PTPRA: variants seen among roughly 807,000 people sequenced by gnomAD.
PTPRA encodes protein tyrosine phosphatase receptor type A, also known as receptor-type tyrosine-protein phosphatase alpha.
Under a neutral mutation model 104.8 loss-of-function variants are expected in PTPRA, and 25 were observed. The observed-to-expected ratio is 0.24, with a 90% CI of 0.17 to 0.33. The LOEUF (loss-of-function observed/expected upper bound fraction) is 0.33. Ranked by LOEUF, PTPRA falls within the 10% of genes least tolerant of loss-of-function variation. The probability of loss-of-function intolerance (pLI) is 1.00; values close to 1 mark genes in which losing one functional copy is unlikely to be tolerated. For synonymous variants in PTPRA, 323 were observed against 368.9 expected (o/e 0.88, Z 1.43); for missense variants, 765 against 1,015.3 (o/e 0.75, Z 3.35).
intron 1 of PTPRA, among the ~76,000 whole-genome samples, chr20:2,888,779 G>A (rs1015832170): frequency 2.6e-5 from 4 of 152,154 alleles, no homozygotes; most frequent in Non-Finnish European, 4.4e-5. Flanking sequence ...AAACCATGCT[G>A]AAATACTACA....
intron 1 of PTPRA, among the ~76,000 whole-genome samples, chr20:2,885,923 G>T (rs531290191): frequency 8.3e-4 from 127 of 152,278 alleles, no homozygotes; most frequent in African/African-American, 2.8e-3. Flanking sequence ...AATTAGCTGG[G>T]CGTGGTGGCA....
chr20:3,021,978 G>GCTGTCA, intron 14 of PTPRA, 76 bp from the exon 15 acceptor site: 3 of 1,554,540 alleles, frequency 1.9e-6, no homozygotes, highest in Non-Finnish European at 2.6e-6. Flanking sequence ...GACAACCACA[G>GCTGTCA]CTGTCACCTT....
intron 2 of PTPRA, among the ~76,000 whole-genome samples, chr20:2,947,205 A>G (rs1302255980): frequency 6.6e-6 from 1 of 152,134 alleles, no homozygotes; most frequent in Non-Finnish European, 1.5e-5. Flanking sequence ...TAATATTACT[A>G]CCCTAAACTT....
intron 1 of PTPRA, among the ~76,000 whole-genome samples, chr20:2,906,224 T>C (rs972282174): frequency 6.6e-6 from 1 of 152,214 alleles, no homozygotes; most frequent in African/African-American, 2.4e-5. Context: ...CATGTATTTG[T>C]TTTGAGTAAA....
intron 1 of PTPRA, among the ~76,000 whole-genome samples, chr20:2,891,998 G>A (rs1477648127): frequency 1.3e-5 from 2 of 152,068 alleles, no homozygotes; most frequent in African/African-American, 4.8e-5. Flanking sequence ...CAGATAGAGA[G>A]GGTCAACTGG....
At chr20:3,012,631 G>A (rs1308288437) in intron 11 of PTPRA, among the ~76,000 whole-genome samples, 1 of 152,246 alleles carries the variant, frequency 6.6e-6, no homozygotes. Flanking sequence ...GGAAGTGTTT[G>A]GCAGTGAAGA....
At position 3,022,719 on chromosome 20, in the gene PTPRA, C is replaced by T. The variant is rs889693052; in HGVS notation, c.1359C>T (p.Val453=). ...GTGTAGGGCGTACAGGTACCTTTGTCGTCATTGATGCCATGCTGGACATGA... is the reference window on the plus strand; with the variant it reads ...GTGTAGGGCGTACAGGTACCTTTGTTGTCATTGATGCCATGCTGGACATGA... ...SAGVGRTGTF[V]VIDAMLDMMH... is the part of the protein sequence containing the mutation. Residue 453 remains valine (V), a synonymous_variant, in exon 16 of 24, where the codon GTC becomes GTT. Coordinates refer to ENST00000399903, the MANE Select transcript of PTPRA (RefSeq NM_001385305.1). The surrounding 1 kb of genome is among the most constrained non-coding windows in gnomAD (Gnocchi z 4.6). The T allele has an allele frequency of 1.2e-6, 2 of 1,614,120 alleles. No homozygotes were observed. The highest frequency in any genetic ancestry group is 1.7e-6 in the Non-Finnish European group (2 of 1,180,030).
intron 9 of PTPRA, among the ~76,000 whole-genome samples, chr20:2,998,942 A>C (rs1255257742): frequency 6.9e-6 from 1 of 145,130 alleles, no homozygotes; most frequent in Admixed American, 7.2e-5. Flanking sequence ...ATTATATATG[A>C]CATATTTATA....
intron 1 of PTPRA, among the ~76,000 whole-genome samples, chr20:2,913,957 C>T (rs559204590): frequency 7.8e-4 from 119 of 152,254 alleles, no homozygotes; most frequent in African/African-American, 2.6e-3. Context: ...TTCATCATCC[C>T]TTCTACATCC....
At chr20:3,008,569 A>G (rs1415245163) in intron 11 of PTPRA, among the ~76,000 whole-genome samples, 1 of 151,968 alleles carries the variant, frequency 6.6e-6, no homozygotes, top group Non-Finnish European at 1.5e-5. Context: ...CAGCGTGAAT[A>G]TACTTAATGC....
chr20:3,003,395 G>A (rs1434345280), intron 9 of PTPRA, among the ~76,000 whole-genome samples: 1 of 152,186 alleles, frequency 6.6e-6, no homozygotes, highest in Non-Finnish European at 1.5e-5. Context: ...AGGACATAAA[G>A]ATTTTTATTT....
At chr20:2,893,326 A>G (rs1211637755) in intron 1 of PTPRA, among the ~76,000 whole-genome samples, 1 of 152,238 alleles carries the variant, frequency 6.6e-6, no homozygotes, top group Non-Finnish European at 1.5e-5. Context: ...AAATGAGACG[A>G]CATGACCTGA....
At chr20:2,929,714 A>G (rs1252392888) in intron 2 of PTPRA, among the ~76,000 whole-genome samples, 2 of 152,044 alleles carry the variant, frequency 1.3e-5, no homozygotes, top group African/African-American at 4.8e-5. Context: ...GGTCCCAGCT[A>G]TTCCAGAGCC....
chr20:2,975,364 T>G (rs1482206473), intron 6 of PTPRA, 123 bp downstream of exon 6: 1 of 795,798 alleles, frequency 1.3e-6, no homozygotes, highest in Admixed American at 3.6e-5. Context: ...TTACTTTCCC[T>G]TAAGTTATTT....
chr20:2,900,975 G>C (rs1214037560), intron 1 of PTPRA, among the ~76,000 whole-genome samples: 1 of 150,990 alleles, frequency 6.6e-6, no homozygotes, highest in East Asian at 1.9e-4. Context: ...TGTTTTTTTT[G>C]TTTTGTTTTG....
At chr20:2,926,998 C>T (rs1316113978) in intron 2 of PTPRA, among the ~76,000 whole-genome samples, 1 of 151,686 alleles carries the variant, frequency 6.6e-6, no homozygotes, top group Non-Finnish European at 1.5e-5. Flanking sequence ...ACCTTGTTGG[C>T]CAAGCTGGTC....
intron 1 of PTPRA, among the ~76,000 whole-genome samples, chr20:2,910,024 T>C (rs1341556023): frequency 2.4e-5 from 2 of 84,116 alleles, no homozygotes; most frequent in Admixed American, 1.4e-4. Context: ...ATATAATCTA[T>C]CATATATCAT....
At chr20:2,881,961 C>T (rs1423933321) in intron 1 of PTPRA, among the ~76,000 whole-genome samples, 2 of 152,146 alleles carry the variant, frequency 1.3e-5, no homozygotes, top group Non-Finnish European at 2.9e-5. Context: ...GGTTGCGCCG[C>T]TGTACTCCAG....
At chr20:2,961,101 G>GT (rs1215369722) in intron 3 of PTPRA, among the ~76,000 whole-genome samples, 3 of 151,870 alleles carry the variant, frequency 2.0e-5, no homozygotes, top group Non-Finnish European at 2.9e-5. Context: ...CCATGTGCAG[G>GT]TTTTTTTTAA....
Sources: allele counts gnomAD v4.1 joint callset (sites outside exome capture counted in the v4.1 genomes callset), GRCh38; gene constraint gnomAD v4.1.1; non-coding constraint Gnocchi (gnomAD v3.1); transcripts MANE v1.5; gene names NCBI Gene and HGNC (gene_info 2026-07-23, HGNC 2026-07-21).